CLVS1: variants seen among roughly 807,000 people sequenced by gnomAD.
CLVS1 encodes the protein clavesin 1, also known as clavesin-1.
Under a neutral mutation model 33.1 loss-of-function variants are expected in CLVS1, and 10 were observed. The ratio of observed to expected loss-of-function variants is 0.30; its 90% CI spans 0.19 to 0.51. The LOEUF (loss-of-function observed/expected upper bound fraction) is 0.51, where lower values mean the gene tolerates loss of function less well. CLVS1 is among the 20% of genes least tolerant of loss of function. CLVS1 has a pLI of 0.97. For synonymous variants in CLVS1, 163 were observed against 166.1 expected (o/e 0.98, Z 0.14); for missense variants, 343 against 433.4 (o/e 0.79, Z 1.85).
At chr8:61,378,892 C>T (rs541231374) in intron 3 of CLVS1, among the ~76,000 whole-genome samples, 2 of 152,106 alleles carry the variant, frequency 1.3e-5, no homozygotes, top group Admixed American at 6.6e-5. Context: ...TTGAAAAAGC[C>T]GTAAGTGGTA....
chr8:60,980,074 C>T, the CLVS1 span, among the ~76,000 whole-genome samples: 1 of 152,188 alleles, frequency 6.6e-6, no homozygotes, highest in Non-Finnish European at 1.5e-5. Context: ...GGATGAGAGG[C>T]TTAGGAGGGA....
At chr8:61,337,662 C>A (rs1161426452) in intron 2 of CLVS1, among the ~76,000 whole-genome samples, 1 of 152,156 alleles carries the variant, frequency 6.6e-6, no homozygotes, top group Non-Finnish European at 1.5e-5. Context: ...TCCCATACAA[C>A]CATTTAATCT....
intron 1 of CLVS1, among the ~76,000 whole-genome samples, chr8:61,103,764 A>C (rs1805488296): frequency 6.6e-6 from 1 of 152,228 alleles, no homozygotes; most frequent in African/African-American, 2.4e-5. Context: ...CCAATTCATT[A>C]CTGCAGGGTC....
intron 5 of CLVS1, among the ~76,000 whole-genome samples, chr8:61,493,322 A>G (rs1246762561): frequency 6.6e-6 from 1 of 152,186 alleles, no homozygotes; most frequent in Non-Finnish European, 1.5e-5. Context: ...TTGTGGCTAA[A>G]TTTGCAAATG....
intron 2 of CLVS1, among the ~76,000 whole-genome samples, chr8:61,229,540 C>T (rs1808390575): frequency 6.6e-6 from 1 of 152,212 alleles, no homozygotes; most frequent in African/African-American, 2.4e-5. Flanking sequence ...CATGACACTG[C>T]ACCACATTGG....
intron 3 of CLVS1, among the ~76,000 whole-genome samples, chr8:61,388,737 T>A (rs1440385946): frequency 6.6e-6 from 1 of 152,130 alleles, no homozygotes; most frequent in African/African-American, 2.4e-5. Flanking sequence ...AATTAGCATA[T>A]CAGTATCTCA....
At chr8:61,113,232 G>A (rs536247197) in intron 1 of CLVS1, among the ~76,000 whole-genome samples, 2 of 152,178 alleles carry the variant, frequency 1.3e-5, no homozygotes, top group South Asian at 4.1e-4. Flanking sequence ...GAGTTGTGGG[G>A]TGATGCAGGG....
At chr8:61,111,920 T>C (rs1011374300) in intron 1 of CLVS1, among the ~76,000 whole-genome samples, 3 of 152,218 alleles carry the variant, frequency 2.0e-5, no homozygotes, top group African/African-American at 2.4e-5. Flanking sequence ...ATCTCTCCAA[T>C]TCACAGTCTT....
rs925781791 is a variant in CLVS1 at position 61,450,622 on chromosome 8, C to A, written c.631-3519C>A. 2.6e-5 allele frequency among the ~76,000 whole-genome samples: 4 copies of A among 152,198 alleles called. No homozygotes were observed. In the East Asian group the frequency reaches 7.7e-4, roughly 29 times the overall value. ...TAATTGTTAAGGCAAGAATTGAATA[C>A]ACTAAACATATCATTATATAATTGC... On this transcript the variant is annotated intron_variant, in intron 3 of 5. Coordinates refer to ENST00000325897, the MANE Select transcript of CLVS1 (RefSeq NM_173519.3).
At chr8:61,389,501 C>A (rs1335970608) in intron 3 of CLVS1, among the ~76,000 whole-genome samples, 1 of 151,910 alleles carries the variant, frequency 6.6e-6, no homozygotes, top group South Asian at 2.1e-4. Flanking sequence ...CAAGACTGCA[C>A]CCCTGCACTC....
chr8:61,256,645 C>T (rs553551245), intron 2 of CLVS1, among the ~76,000 whole-genome samples: 16 of 79,826 alleles, frequency 2.0e-4, no homozygotes, highest in African/African-American at 1.9e-3. Context: ...ATCTCAAAAA[C>T]AAAAAAAAAA....
At chr8:61,139,239 C>A (rs891200592) in intron 2 of CLVS1, among the ~76,000 whole-genome samples, 5 of 152,146 alleles carry the variant, frequency 3.3e-5, no homozygotes, top group African/African-American at 1.2e-4. Flanking sequence ...AACGAGGGAG[C>A]GCCCGCGAGG....
chr8:61,475,864 C>A (rs1257560215), intron 5 of CLVS1, among the ~76,000 whole-genome samples: 3 of 152,150 alleles, frequency 2.0e-5, no homozygotes, highest in Non-Finnish European at 4.4e-5. Context: ...GTCAAGAAGT[C>A]CTTGCCCATG....
At chr8:61,254,754 C>G (rs528991345) in intron 2 of CLVS1, among the ~76,000 whole-genome samples, 3 of 152,298 alleles carry the variant, frequency 2.0e-5, no homozygotes, top group African/African-American at 7.2e-5. Context: ...GTGCTGCTTG[C>G]TAAGACCACT....
chr8:61,330,013 T>G (rs993053694), intron 2 of CLVS1, among the ~76,000 whole-genome samples: 17 of 152,178 alleles, frequency 1.1e-4, no homozygotes, highest in African/African-American at 4.1e-4. Context: ...ATACCCATGG[T>G]GGGGAGGGAG....
chr8:61,067,214 TTG>T (rs560409900), intron 1 of CLVS1, among the ~76,000 whole-genome samples: 5,740 of 152,288 alleles, frequency 0.038, 162 homozygotes, highest in South Asian at 0.14. Flanking sequence ...GAATATCTTT[TTG>T]TATTAATTAT....
At chr8:61,292,430 A>G (rs767677590) in intron 1 of CLVS1, 12 of 455,978 alleles carry the variant, frequency 2.6e-5, no homozygotes, top group South Asian at 1.5e-4. Flanking sequence ...AAAAGGGGGC[A>G]AATAGAGTTA....
At chr8:61,464,663 C>T (rs56948256) in intron 5 of CLVS1, 4,210 of 152,292 alleles carry the variant, frequency 0.028, 174 homozygotes, top group African/African-American at 0.088. Flanking sequence ...TCATTACATA[C>T]GGGAGCCAAA....
intron 2 of CLVS1, among the ~76,000 whole-genome samples, chr8:61,273,515 C>T (rs1410111964): frequency 6.6e-6 from 1 of 152,270 alleles, no homozygotes; most frequent in Non-Finnish European, 1.5e-5. Context: ...GTGGTGGGCT[C>T]CGCCCAGTTG....
Sources: gnomAD v4.1 joint callset for allele counts (sites outside exome capture counted in the v4.1 genomes callset) on GRCh38, gnomAD v4.1.1 for gene constraint, MANE v1.5 for transcripts, NCBI Gene and HGNC (gene_info 2026-07-23, HGNC 2026-07-21) for gene names.